Variants in TNXB observed in about 807,000 individuals in gnomAD.
TNXB encodes the protein tenascin-X.
In TNXB, 183 loss-of-function variants were observed where a neutral mutation model predicts 340.5. That is an observed-to-expected ratio of 0.54 (90% CI 0.48 to 0.61). The LOEUF is 0.61. Among genes scored for constraint, TNXB ranks in the 20% least tolerant of loss-of-function variants. TNXB has a pLI of 0.00. For missense variants in TNXB, 4,613 were observed against 5,446.4 expected (o/e 0.85, Z 4.82); for synonymous variants, 2,121 against 2,314.5 (o/e 0.92, Z 2.40).
At chr6:32,098,263 C>T in intron 1 of TNXB, 57 bp from the exon 2 acceptor site, 1 of 1,370,070 alleles carries the variant, frequency 7.3e-7, no homozygotes, top group Admixed American at 2.7e-5. Flanking sequence ...AAAATGAATC[C>T]CCCCTTCTCC....
chr6:32,097,187 G>A lies in TNXB; in HGVS notation c.666C>T (p.Cys222=), dbSNP rs1257570805. ...CCTGCACGCAGCGCCCACGGCCTTG[G>A]CAGTCCCCGGGACAGGATGGCCAGC... ...SCGWPSCPGD[C]QGRGRCVQGV... Residue 222 remains cysteine, a synonymous_variant, in exon 3 of 44, where the codon TGC becomes TGT. Transcript: ENST00000644971. This position sits in a 1 kb window ranked among gnomAD's most constrained non-coding sequence, Gnocchi z 5.9. 1.3e-6 allele frequency: 2 copies of A among 1,595,464 alleles called. No homozygotes were observed. The highest frequency in any genetic ancestry group is 3.6e-5 in the Admixed American group (2 of 56,028).
chr6:32,061,325 G>C lies in TNXB; in HGVS notation c.7492+72C>G. ...CAAGTCTGGACCCACAGGGCTTGGT[G>C]AAAGGGCACAGCAGTAAACCAGGTA... is the stretch of plus-strand genomic sequence containing the variant. On this transcript the variant is annotated intron_variant, in intron 21 of 43. Transcript: ENST00000644971. This position sits in a 1 kb window ranked among gnomAD's most constrained non-coding sequence, Gnocchi z 4.4. 1 of 1,563,286 alleles carries C rather than the reference G, an allele frequency of 6.4e-7. No homozygotes were observed. The highest frequency in any genetic ancestry group is 8.7e-7 in the Non-Finnish European group (1 of 1,153,354).
Position 32,047,626 on chromosome 6 carries a change from T to C in TNXB, c.10324+108A>G. The C allele has an allele frequency of 7.7e-7, 1 of 1,298,194 alleles. No homozygotes were observed. The highest frequency in any genetic ancestry group is 1.0e-6 in the Non-Finnish European group (1 of 968,414). The allele number at this position is 1,298,194 out of a possible 1,614,324, so 80.4% of individuals were successfully genotyped here. ...GGACTCACTTTCGGAGTTAAGATGG[T>C]TGTGTCAGGGCTGATAGAGGGAATC... On this transcript the variant is annotated intron_variant, in intron 30 of 43. Coordinates refer to ENST00000644971, the MANE Select transcript of TNXB (RefSeq NM_001365276.2). This position sits in a 1 kb window ranked among gnomAD's most constrained non-coding sequence, Gnocchi z 6.2.
In TNXB at chr6:32,096,664, C is replaced by T. The variant is rs937602127; in HGVS notation, c.1189G>A (p.Asp397Asn). The stretch of plus-strand genomic sequence containing the variant: ...GGGCAGCTGCGCACGCCGCAGTCGT[C>T]CCCGCTGTAGCCCGTGTCGCAAATG... The part of the protein sequence containing the change: ...ECICDTGYSG[D>N]DCGVRSCPGD... Residue 397 changes from aspartate (D) to asparagine (N), a missense_variant, in exon 3 of 44, where the codon GAC (aspartate) becomes AAC (asparagine). Asp to Asn is a conservative substitution (Grantham distance 23). Around this residue, in one of 7 missense-constraint regions of TNXB, gnomAD observed 4,327 missense variants for 4,859.4 expected, o/e 0.89. Coordinates refer to ENST00000644971, the MANE Select transcript of TNXB (RefSeq NM_001365276.2). 2.6e-6 allele frequency: 4 copies of T among 1,554,410 alleles called. No individual in the cohort carries two copies. The highest frequency in any genetic ancestry group is 3.5e-6 in the Non-Finnish European group (4 of 1,153,458).
chr6:32,106,295 A>G (rs1440064610), intron 1 of TNXB, among the ~76,000 whole-genome samples: 1 of 151,872 alleles, frequency 6.6e-6, no homozygotes, highest in Non-Finnish European at 1.5e-5. Context: ...ATAAGACAGG[A>G]GACAGGGCTA....
rs1777334720 is a variant in TNXB, at chr6:32,052,404, T to C, written c.9115+266A>G. On this transcript the variant is annotated intron_variant, in intron 26 of 43. Transcript: ENST00000644971. This position sits in a 1 kb window ranked among gnomAD's most constrained non-coding sequence, Gnocchi z 4.7. ...AGGCGGAGGTTCCAGTGAGCCGAGATTGAGCCACTGTACTCCAGCCTGGGT... is the reference window on the plus strand; with the variant it reads ...AGGCGGAGGTTCCAGTGAGCCGAGACTGAGCCACTGTACTCCAGCCTGGGT... Among the ~76,000 whole-genome samples, 1 of 151,658 alleles carries C rather than the reference T, an allele frequency of 6.6e-6. No individual in the cohort carries two copies.
chr6:32,054,694 G>A (rs770164129), intron 24 of TNXB, among the ~76,000 whole-genome samples: 15 of 152,014 alleles, frequency 9.9e-5, no homozygotes, highest in Non-Finnish European at 1.6e-4. Context: ...CTTACTTTCC[G>A]GTTTTCTGCT....
chr6:32,084,269 C>T lies in TNXB; in HGVS notation c.3445+144G>A. ...GAGCTTCTCAAACTCTTTGCCTGCC[C>T]CACCACTACTTTCCCTTCAGAATTC... On this transcript the variant is annotated intron_variant, in intron 8 of 43. Transcript: ENST00000644971. This position sits in a 1 kb window ranked among gnomAD's most constrained non-coding sequence, Gnocchi z 5.5. The T allele has an allele frequency of 1.3e-6, 1 of 792,172 alleles. No individual in the cohort carries two copies. Among genetic ancestry groups the T allele is most frequent in the Non-Finnish European group, 1.9e-6 (1 of 532,700 alleles). The allele number at this position is 792,172 out of a possible 1,614,324, so 49.1% of individuals were successfully genotyped here.
rs900583680 is a variant in TNXB, at chr6:32,080,312, G to A, written c.4043-947C>T. ...TGCAAGCTCCGCCTCCCGGGTTCAC[G>A]CCATTCTCCTGCCTCATCCTCTTGA... On this transcript the variant is annotated intron_variant, in intron 10 of 43. Coordinates refer to ENST00000644971, the MANE Select transcript of TNXB (RefSeq NM_001365276.2). The surrounding 1 kb of genome is among the most constrained non-coding windows in gnomAD (Gnocchi z 4.3). 3.9e-5 allele frequency among the ~76,000 whole-genome samples: 6 copies of A among 151,906 alleles called. No homozygotes were observed. The highest frequency in any genetic ancestry group is 2.1e-4 in the South Asian group (1 of 4,816).
chr6:32,058,407 G>A lies in TNXB; in HGVS notation c.7493-17C>T. 1 of 1,570,160 alleles carries A rather than the reference G, an allele frequency of 6.4e-7. No homozygotes were observed. Among genetic ancestry groups the A allele is most frequent in the Non-Finnish European group, 8.6e-7 (1 of 1,157,758 alleles). On this transcript the variant is annotated splice_polypyrimidine_tract_variant and intron_variant, in intron 21 of 43. Coordinates refer to ENST00000644971, the MANE Select transcript of TNXB (RefSeq NM_001365276.2). The surrounding 1 kb of genome is among the most constrained non-coding windows in gnomAD (Gnocchi z 5.1). The stretch of plus-strand genomic sequence containing the variant: ...CTTGTGGGGCTGAAAGGTAATATAG[G>A]GGGATACAGAGTTTAAGGGTTTAAG...
At chr6:32,095,337 C>A in intron 3 of TNXB, 146 bp from the exon 4 acceptor site, 1 of 732,440 alleles carries the variant, frequency 1.4e-6, no homozygotes, top group Non-Finnish European at 2.3e-6. Context: ...GAGGGCTGAA[C>A]GGGGCTTGGA....
At chr6:32,094,865 T>C (rs1780242648) in intron 4 of TNXB, among the ~76,000 whole-genome samples, 1 of 152,192 alleles carries the variant, frequency 6.6e-6, no homozygotes. Context: ...TGTTACCAGG[T>C]GTTCCAACTG....
intron 1 of TNXB, among the ~76,000 whole-genome samples, chr6:32,105,607 C>T (rs1177566652): frequency 6.6e-6 from 1 of 152,080 alleles, no homozygotes; most frequent in Non-Finnish European, 1.5e-5. Flanking sequence ...AGGCTGGAAC[C>T]AAGGGCAGGA....
chr6:32,100,856 C>A (rs992684143), intron 1 of TNXB, among the ~76,000 whole-genome samples: 1 of 151,762 alleles, frequency 6.6e-6, no homozygotes, highest in African/African-American at 2.4e-5. Flanking sequence ...CTGAAGTGGG[C>A]GGATCATGAG....
At position 32,096,847 on chromosome 6, in the gene TNXB, C is replaced by G; in HGVS notation, c.1006G>C (p.Asp336His). 1.2e-6 allele frequency: 2 copies of G among 1,606,136 alleles called. No homozygotes were observed. The highest frequency in any genetic ancestry group is 2.2e-5 in the South Asian group (2 of 89,404). ...CVCDPGYTGEDCGTRSCPWDC... is the reference protein window; with the variant it reads ...CVCDPGYTGEHCGTRSCPWDC... ...CAGGGGCAGCTCCGCGTACCACAGT[C>G]CTCGCCAGTGTAGCCGGGGTCACAC... The change falls in exon 3 of 44, where the codon GAC (aspartate) becomes CAC (histidine). Residue 336 changes from aspartate (D) to histidine (H), a missense_variant. Around this residue, in one of 7 missense-constraint regions of TNXB, gnomAD observed 4,327 missense variants for 4,859.4 expected, o/e 0.89. Transcript: ENST00000644971.
rs530102674 is a variant in TNXB at position 32,046,320 on chromosome 6, G to C, written c.10461C>G (p.Asp3487Glu). 5 of 1,606,742 alleles carry C rather than the reference G, an allele frequency of 3.1e-6. No homozygotes were observed. In the South Asian group the frequency reaches 5.6e-5, roughly 18 times the overall value. ...DSFVVQYRDTDGQPRAVPVAA... is the reference protein window; with the variant it reads ...DSFVVQYRDTEGQPRAVPVAA... ...CCACAGGCACTGCCCTGGGCTGCCC[G>C]TCCGTGTCCCTGTACTGGACCACGA... The change falls in exon 31 of 44, where the codon GAC becomes GAG. Residue 3487 changes from aspartate to glutamate, a missense_variant. Coordinates refer to ENST00000644971, the MANE Select transcript of TNXB (RefSeq NM_001365276.2). This position sits in a 1 kb window ranked among gnomAD's most constrained non-coding sequence, Gnocchi z 6.9.
intron 22 of TNXB, among the ~76,000 whole-genome samples, chr6:32,057,614 C>T (rs969851800): frequency 3.3e-5 from 5 of 151,252 alleles, no homozygotes; most frequent in African/African-American, 9.8e-5. Context: ...TCCTCTGCTC[C>T]CACACTTCAG....
rs1779686659 is a variant in TNXB, at chr6:32,084,938, C to T, written c.3149-229G>A. Among the ~76,000 whole-genome samples the T allele has an allele frequency of 6.6e-6, 1 of 152,152 alleles. No homozygotes were observed. Among genetic ancestry groups the T allele is most frequent in the Non-Finnish European group, 1.5e-5 (1 of 68,030 alleles). On this transcript the variant is annotated intron_variant, in intron 7 of 43. Transcript: ENST00000644971. This position sits in a 1 kb window ranked among gnomAD's most constrained non-coding sequence, Gnocchi z 5.5. ...TCCATCCCTCACAAGGTCTTGGTCTCTCTGCACACCAGGATCTTTGCGGGG... is the reference window on the plus strand; with the variant it reads ...TCCATCCCTCACAAGGTCTTGGTCTTTCTGCACACCAGGATCTTTGCGGGG...
In TNXB at chr6:32,087,152, C is replaced by T. The variant is rs1779824374; in HGVS notation, c.2780-1034G>A. On this transcript the variant is annotated intron_variant, in intron 6 of 43. Coordinates refer to ENST00000644971, the MANE Select transcript of TNXB (RefSeq NM_001365276.2). This position sits in a 1 kb window ranked among gnomAD's most constrained non-coding sequence, Gnocchi z 9.0. ...GGTAGGGCCTGAAGGTAGAAGGGGG[C>T]AGTGGGGGGTGGCAGTGGGAGGAAT... The T allele has an allele frequency of 4.6e-6, 2 of 430,608 alleles. No homozygotes were observed. The highest frequency in any genetic ancestry group is 2.0e-5 in the African/African-American group (1 of 49,822). 26.7% of individuals were successfully genotyped at this position (430,608 alleles called of 1,614,324 possible).
Sources: gnomAD v4.1 joint callset for allele counts (sites outside exome capture counted in the v4.1 genomes callset) on GRCh38, gnomAD v4.1.1 for gene constraint, gnomAD v4.1.1 regional missense constraint, Gnocchi (gnomAD v3.1) non-coding constraint, MANE v1.5 for transcripts, NCBI Gene and HGNC (gene_info 2026-07-23, HGNC 2026-07-21) for gene names.